Variants in CALN1 observed in about 807,000 individuals in gnomAD.
The protein encoded by CALN1 is calneuron 1, also known as calcium-binding protein 8.
In CALN1, 17 loss-of-function variants were observed where a neutral mutation model predicts 30.6. The ratio of observed to expected loss-of-function variants is 0.56; its 90% CI spans 0.38 to 0.83. The LOEUF (loss-of-function observed/expected upper bound fraction) is 0.83. Among genes scored for constraint, CALN1 ranks in the 40% least tolerant of loss-of-function variants. The pLI, the probability that CALN1 is intolerant of heterozygous loss-of-function variation, is 0.00. For missense variants in CALN1, 291 were observed against 354.9 expected (o/e 0.82, Z 1.45); for synonymous variants, 156 against 131.4 (o/e 1.19, Z -1.28).
chr7:72,170,174 G>A (rs529996262), intron 3 of CALN1, among the ~76,000 whole-genome samples: 1 of 152,082 alleles, frequency 6.6e-6, no homozygotes, highest in Non-Finnish European at 1.5e-5. Flanking sequence ...GTAGAGACAG[G>A]ATCTTACTAT....
intron 5 of CALN1, among the ~76,000 whole-genome samples, chr7:71,988,268 A>T (rs534657383): frequency 1.8e-4 from 27 of 152,176 alleles, no homozygotes; most frequent in Non-Finnish European, 3.7e-4. Context: ...TAAGGAGAAG[A>T]AGTTGACTGT....
intron 5 of CALN1, among the ~76,000 whole-genome samples, chr7:72,002,475 T>C (rs10251758): frequency 0.072 from 10,909 of 152,248 alleles, 412 homozygotes; most frequent in African/African-American, 0.084. Flanking sequence ...ATATCACTTT[T>C]GCATCATTAT....
At chr7:72,194,177 T>G (rs750065333) in intron 3 of CALN1, among the ~76,000 whole-genome samples, 1 of 152,236 alleles carries the variant, frequency 6.6e-6, no homozygotes, top group South Asian at 2.1e-4. Context: ...AACTAAAATG[T>G]CATTCCGCAG....
intron 5 of CALN1, among the ~76,000 whole-genome samples, chr7:72,013,726 G>C (rs1168097771): frequency 1.3e-5 from 2 of 151,384 alleles, no homozygotes; most frequent in Non-Finnish European, 2.9e-5. Context: ...TTAATATAAT[G>C]GGCATAATAG....
At chr7:71,944,087 C>G (rs1382094003) in intron 5 of CALN1, among the ~76,000 whole-genome samples, 1 of 152,116 alleles carries the variant, frequency 6.6e-6, no homozygotes, top group Non-Finnish European at 1.5e-5. Context: ...CACTGTTGAG[C>G]AGTGAGCTTT....
intron 2 of CALN1, among the ~76,000 whole-genome samples, chr7:72,297,567 A>T (rs1798953042): frequency 6.6e-6 from 1 of 152,228 alleles, no homozygotes; most frequent in Non-Finnish European, 1.5e-5. Context: ...AAACAAGATG[A>T]TTTAATATTA....
chr7:72,388,538 C>T (rs1805383410), intron 2 of CALN1, among the ~76,000 whole-genome samples: 1 of 152,162 alleles, frequency 6.6e-6, no homozygotes, highest in South Asian at 2.1e-4. Context: ...AAGTAAAATG[C>T]TAATGGGCGA....
chr7:72,318,289 G>T (rs1228634481), intron 2 of CALN1, among the ~76,000 whole-genome samples: 2 of 150,570 alleles, frequency 1.3e-5, no homozygotes, highest in Non-Finnish European at 3.0e-5. Flanking sequence ...GGGACTGAAA[G>T]AAGTCGCTCA....
chr7:72,269,441 G>A (rs1399426062), intron 3 of CALN1, among the ~76,000 whole-genome samples: 4 of 151,696 alleles, frequency 2.6e-5, no homozygotes, highest in African/African-American at 7.3e-5. Flanking sequence ...TCCCACCTAT[G>A]AGTGAGAACA....
chr7:71,890,898 C>A lies in CALN1; in HGVS notation c.502-80406G>T, dbSNP rs183698420. Among the ~76,000 whole-genome samples the A allele has an allele frequency of 2.8e-4, 43 of 152,148 alleles. 1 individual carries two copies. Among genetic ancestry groups the A allele is most frequent in the African/African-American group, 1.0e-3 (42 of 41,516 alleles). The stretch of plus-strand genomic sequence containing the variant: ...AGTAGCTGAGACTACAGGCATGCAC[C>A]ACCACGCCCAGCTCATTTTTGTATG... On this transcript the variant is annotated intron_variant, in intron 5 of 6. Coordinates refer to ENST00000395275, the MANE Select transcript of CALN1 (RefSeq NM_031468.4).
At position 71,930,728 on chromosome 7, in the gene CALN1, C is replaced by G. The variant is rs558242720; in HGVS notation, c.501+92929G>C. 1.2e-4 allele frequency among the ~76,000 whole-genome samples: 18 copies of G among 152,292 alleles called. No individual in the cohort carries two copies. The South Asian group carries it at 2.5e-3, about 21-fold the overall frequency. ...GTTGTGTTTGGTGTAATGAAGCAGTCCAACTTCATTCTCTCGCGTGTGTGT... is the reference window on the plus strand; with the variant it reads ...GTTGTGTTTGGTGTAATGAAGCAGTGCAACTTCATTCTCTCGCGTGTGTGT... On this transcript the variant is annotated intron_variant, in intron 5 of 6. Coordinates refer to ENST00000395275, the MANE Select transcript of CALN1 (RefSeq NM_031468.4).
At chr7:72,181,787 T>C (rs1274638830) in intron 3 of CALN1, among the ~76,000 whole-genome samples, 1 of 152,204 alleles carries the variant, frequency 6.6e-6, no homozygotes, top group Non-Finnish European at 1.5e-5. Flanking sequence ...CTTCGGTAAC[T>C]TTTATCTATT....
chr7:72,282,483 G>A (rs749913584), intron 2 of CALN1, among the ~76,000 whole-genome samples: 5 of 152,132 alleles, frequency 3.3e-5, no homozygotes, highest in Admixed American at 6.6e-5. Context: ...AGGTCCATGA[G>A]GGCTCCTCCC....
chr7:72,391,110 T>C (rs1585642528), intron 2 of CALN1, among the ~76,000 whole-genome samples: 1 of 152,100 alleles, frequency 6.6e-6, no homozygotes, highest in Non-Finnish European at 1.5e-5. Flanking sequence ...TTGTGGAGAA[T>C]TGAGAGAGGA....
intron 5 of CALN1, among the ~76,000 whole-genome samples, chr7:71,935,456 T>C (rs1859552): frequency 0.21 from 32,668 of 152,100 alleles, 3,725 homozygotes; most frequent in African/African-American, 0.29. Context: ...CTAGGCCAGG[T>C]GCGGTGTTTC....
At chr7:72,416,734 C>CAAAAAAAAAAAAAAAA (rs4029798), upstream of CALN1, among the ~76,000 whole-genome samples, 3 of 77,690 alleles carry the variant, frequency 3.9e-5, no homozygotes, top group Non-Finnish European at 6.7e-5. Flanking sequence ...GACTCTGTCT[C>CAAAAAAAAAAAAAAAA]AAAAAAAAAA....
At chr7:72,191,284 G>A (rs980698871) in intron 3 of CALN1, among the ~76,000 whole-genome samples, 1 of 152,124 alleles carries the variant, frequency 6.6e-6, no homozygotes, top group Non-Finnish European at 1.5e-5. Context: ...GCTACAGACT[G>A]TGTAAGAGGA....
At chr7:72,008,801 G>A (rs987060978) in intron 5 of CALN1, among the ~76,000 whole-genome samples, 3 of 151,696 alleles carry the variant, frequency 2.0e-5, no homozygotes, top group Non-Finnish European at 4.4e-5. Flanking sequence ...GATTACAGGT[G>A]CCCGCCACCA....
the CALN1 span, among the ~76,000 whole-genome samples, chr7:72,477,038 C>T: frequency 4.9e-3 from 743 of 152,276 alleles, 4 homozygotes; most frequent in African/African-American, 0.017. Context: ...TGGTGAAACA[C>T]CGTCTCTACT....
Sources: allele counts gnomAD v4.1 joint callset (sites outside exome capture counted in the v4.1 genomes callset), GRCh38; gene constraint gnomAD v4.1.1; transcripts MANE v1.5; gene names NCBI Gene and HGNC (gene_info 2026-07-23, HGNC 2026-07-21).